PHACTR3: variants seen among roughly 807,000 people sequenced by gnomAD.
PHACTR3 encodes protein phosphatase 1, regulatory subunit 123.
A neutral mutation model predicts 66.8 loss-of-function variants in PHACTR3; 16 were observed. The ratio of observed to expected loss-of-function variants is 0.24; its 90% confidence interval spans 0.16 to 0.36. The LOEUF is 0.36. PHACTR3 is among the 10% of genes least tolerant of loss of function. The probability of loss-of-function intolerance (pLI) is 1.00; values close to 1 mark genes in which losing one functional copy is unlikely to be tolerated. For synonymous variants in PHACTR3, 323 were observed against 292.1 expected (o/e 1.11, Z -1.08); for missense variants, 647 against 719.9 (o/e 0.90, Z 1.16).
chr20:59,810,191 G>T (rs1323307158), intron 8 of PHACTR3, among the ~76,000 whole-genome samples: 4 of 152,230 alleles, frequency 2.6e-5, no homozygotes, highest in Admixed American at 6.5e-5. Flanking sequence ...CCCCACCGCC[G>T]ACTGTGAAGG....
In PHACTR3 at chr20:59,666,721, G is replaced by T. The variant is rs141499095; in HGVS notation, c.118+61589G>T. 5.0e-3 allele frequency among the ~76,000 whole-genome samples: 758 copies of T among 152,154 alleles called. 5 individuals carry two copies. Among genetic ancestry groups the T allele is most frequent in the African/African-American group, 0.017 (717 of 41,498 alleles). ...GTGACATTTAGAGAGACAGAGAGAG[G>T]GAGAGAGACCTGATTTCCACATGCA... On this transcript the variant is annotated intron_variant, in intron 1 of 12. Coordinates refer to ENST00000371015, the MANE Select transcript of PHACTR3 (RefSeq NM_080672.5).
intron 1 of PHACTR3, among the ~76,000 whole-genome samples, chr20:59,671,319 G>T (rs903391882): frequency 7.2e-5 from 11 of 152,164 alleles, no homozygotes; most frequent in Non-Finnish European, 1.3e-4. Context: ...CCTTGCCGGG[G>T]AAGGGCTAGA....
At chr20:59,764,709 T>C (rs1480542624) in intron 4 of PHACTR3, among the ~76,000 whole-genome samples, 2 of 152,210 alleles carry the variant, frequency 1.3e-5, no homozygotes, top group African/African-American at 4.8e-5. Flanking sequence ...ACCAGTACCC[T>C]GAGAGCGTAA....
chr20:59,819,778 C>CTG (rs1457656380), intron 8 of PHACTR3, among the ~76,000 whole-genome samples: 1 of 151,918 alleles, frequency 6.6e-6, no homozygotes, highest in Non-Finnish European at 1.5e-5. Flanking sequence ...GGCCACCCGT[C>CTG]AGCTGAGGCA....
Position 59,755,199 on chromosome 20 carries a change from T to C in PHACTR3, c.376T>C (p.Cys126Arg), listed in dbSNP as rs746863873. ...MMEQDAESKT[C>R]NPDGGPRSVQ... is the part of the protein sequence containing the mutation. ...CCTTGTAGATGCTGAAAGCAAAACT[T>C]GCAACCCCGATGGAGGACCCCGATC... is the stretch of plus-strand genomic sequence containing the variant. The change falls in exon 4 of 13, where the codon TGC (cysteine) becomes CGC (arginine). Residue 126 changes from cysteine to arginine, a missense_variant. Transcript: ENST00000371015. 2.5e-6 allele frequency: 4 copies of C among 1,612,838 alleles called. No individual in the cohort carries two copies. Among genetic ancestry groups the C allele is most frequent in the Non-Finnish European group, 2.5e-6 (3 of 1,179,852 alleles).
chr20:59,632,658 C>G (rs965594308), intron 1 of PHACTR3, among the ~76,000 whole-genome samples: 1 of 152,220 alleles, frequency 6.6e-6, no homozygotes, highest in African/African-American at 2.4e-5. Flanking sequence ...AACACTTCCT[C>G]CCTTTCAGGC....
At chr20:59,783,531 G>C (rs1450237489) in intron 7 of PHACTR3, among the ~76,000 whole-genome samples, 1 of 151,766 alleles carries the variant, frequency 6.6e-6, no homozygotes, top group East Asian at 1.9e-4. Flanking sequence ...CCTTGACAAG[G>C]TGATAAGACA....
chr20:59,782,418 ATTTTTGTAT>A (rs2040755340), intron 7 of PHACTR3, among the ~76,000 whole-genome samples: 1 of 152,000 alleles, frequency 6.6e-6, no homozygotes, highest in Non-Finnish European at 1.5e-5. Flanking sequence ...TGCCTGGCTA[ATTTTTGTAT>A]TTTTAGTAGA....
chr20:59,581,800 G>C (rs1379994516), intron 1 of PHACTR3, among the ~76,000 whole-genome samples: 1 of 151,842 alleles, frequency 6.6e-6, no homozygotes, highest in Admixed American at 6.6e-5. Context: ...AGAAAGGCGT[G>C]AACCCGGTAG....
intron 12 of PHACTR3, among the ~76,000 whole-genome samples, chr20:59,845,742 T>G (rs534505656): frequency 6.6e-6 from 1 of 152,158 alleles, no homozygotes; most frequent in African/African-American, 2.4e-5. Flanking sequence ...CAGTAAATAT[T>G]TGAGTAAGTG....
chr20:59,684,806 G>A (rs903653059), intron 1 of PHACTR3, among the ~76,000 whole-genome samples: 6 of 152,212 alleles, frequency 3.9e-5, no homozygotes, highest in African/African-American at 1.2e-4. Flanking sequence ...GAAAATGCCC[G>A]ATGAAGGGTT....
chr20:59,691,850 A>G (rs1380409716), intron 1 of PHACTR3, among the ~76,000 whole-genome samples: 1 of 152,118 alleles, frequency 6.6e-6, no homozygotes, highest in Non-Finnish European at 1.5e-5. Context: ...CCAACCCTGA[A>G]CCCACCTCCA....
chr20:59,699,872 T>C (rs991675026), intron 1 of PHACTR3, among the ~76,000 whole-genome samples: 2 of 152,088 alleles, frequency 1.3e-5, no homozygotes, highest in Non-Finnish European at 2.9e-5. Flanking sequence ...TGAGGCAGAA[T>C]AATCATTTGA....
intron 1 of PHACTR3, among the ~76,000 whole-genome samples, chr20:59,690,366 C>T (rs1020567417): frequency 5.3e-5 from 8 of 152,246 alleles, no homozygotes; most frequent in African/African-American, 9.6e-5. Context: ...CTGTCTGATG[C>T]CCTTTGGCAC....
At chr20:59,658,880 A>G (rs1420662142) in intron 1 of PHACTR3, among the ~76,000 whole-genome samples, 1 of 150,994 alleles carries the variant, frequency 6.6e-6, no homozygotes, top group Non-Finnish European at 1.5e-5. Flanking sequence ...CTGATAAACT[A>G]TCTGGCCTAC....
At chr20:59,704,805 G>A (rs549382399) in intron 1 of PHACTR3, among the ~76,000 whole-genome samples, 108 of 151,640 alleles carry the variant, frequency 7.1e-4, no homozygotes, top group African/African-American at 2.3e-3. Context: ...TATGCTACAA[G>A]AAGAATATTA....
In PHACTR3 at chr20:59,811,852, C is replaced by T. The variant is rs370731992; in HGVS notation, c.1328+5658C>T. Among the ~76,000 whole-genome samples the T allele has an allele frequency of 1.8e-4, 28 of 152,338 alleles. No individual in the cohort carries two copies. In the East Asian group the frequency reaches 4.8e-3, roughly 26 times the overall value. ...AGCACCAGTGTCTCAGAATCTCTCT[C>T]CTTGTTTGTGAAATGGGGATGGTGG... On this transcript the variant is annotated intron_variant, in intron 8 of 12. Transcript: ENST00000371015.
intron 1 of PHACTR3, among the ~76,000 whole-genome samples, chr20:59,663,121 C>T (rs1291807815): frequency 6.6e-6 from 1 of 152,228 alleles, no homozygotes. Context: ...GGCGCCTTCA[C>T]GTGGCCTTTA....
At chr20:59,764,010 TGTTTG>T (rs541040356) in intron 4 of PHACTR3, among the ~76,000 whole-genome samples, 2 of 152,170 alleles carry the variant, frequency 1.3e-5, no homozygotes, top group Non-Finnish European at 2.9e-5. Flanking sequence ...AGGTCAAGAC[TGTTTG>T]GTTTGGTTTT....
Sources: allele counts gnomAD v4.1 joint callset (sites outside exome capture counted in the v4.1 genomes callset), GRCh38; gene constraint gnomAD v4.1.1; transcripts MANE v1.5; gene names NCBI Gene and HGNC (gene_info 2026-07-23, HGNC 2026-07-21).